Variants in PPFIA2 observed in about 807,000 individuals in gnomAD.
PPFIA2 encodes the protein liprin-alpha-2.
Under a neutral mutation model 175.5 loss-of-function variants are expected in PPFIA2, and 46 were observed. The observed-to-expected ratio is 0.26, with a 90% CI of 0.21 to 0.34. The LOEUF is 0.34. PPFIA2 is among the 10% of genes least tolerant of loss of function. PPFIA2 has a pLI of 1.00. For synonymous variants in PPFIA2, 568 were observed against 511.4 expected (o/e 1.11, Z -1.49); for missense variants, 1,179 against 1,506.1 (o/e 0.78, Z 3.60).
chr12:81,312,025 T>C, intron 22 of PPFIA2: 1 of 764,032 alleles, frequency 1.3e-6, no homozygotes, highest in Non-Finnish European at 2.1e-6. Flanking sequence ...GAAATAAATA[T>C]GCTTCATGAT....
chr12:81,308,831 G>A (rs2050001864), intron 22 of PPFIA2, among the ~76,000 whole-genome samples: 1 of 152,102 alleles, frequency 6.6e-6, no homozygotes, highest in African/African-American at 2.4e-5. Flanking sequence ...AAATGAATGA[G>A]ATAGAAAAGT....
In PPFIA2 at chr12:81,550,822, G is replaced by C. The variant is rs372060682; in HGVS notation, c.304-92956C>G. On this transcript the variant is annotated intron_variant, in intron 4 of 32. Transcript: ENST00000549396. ...CCAGTGGACTAACGACTGAACTCTG[G>C]GGGGAAAATCTATATTTAATGGCTA... 3.4e-4 allele frequency among the ~76,000 whole-genome samples: 52 copies of C among 151,840 alleles called. No homozygotes were observed. The East Asian group carries it at 7.0e-3, about 20-fold the overall frequency.
intron 4 of PPFIA2, among the ~76,000 whole-genome samples, chr12:81,514,917 TG>T (rs1419405875): frequency 6.6e-6 from 1 of 151,974 alleles, no homozygotes; most frequent in African/African-American, 2.4e-5. Context: ...GAAGAATCTC[TG>T]GTGGATTCTT....
intron 22 of PPFIA2, among the ~76,000 whole-genome samples, chr12:81,308,835 G>A (rs1719740168): frequency 6.6e-6 from 1 of 152,146 alleles, no homozygotes; most frequent in Non-Finnish European, 1.5e-5. Context: ...GAATGAGATA[G>A]AAAAGTTGAA....
chr12:81,368,842 C>T lies in PPFIA2; in HGVS notation c.1365G>A (p.Glu455=). The change falls in exon 13 of 33, where the codon GAG becomes GAA. Residue 455 remains glutamate (E), a synonymous_variant. Transcript: ENST00000549396. ...NQELQRARQR[E]KMNEEHNKRL... is the part of the protein sequence containing the mutation. ...TCTTGTTATGCTCCTCATTCATTTT[C>T]TCTCTTTGCCTAGCCTTACATTTTA... 1 of 1,609,534 alleles carries T rather than the reference C, an allele frequency of 6.2e-7. No individual in the cohort carries two copies. The highest frequency in any genetic ancestry group is 8.5e-7 in the Non-Finnish European group (1 of 1,177,646).
chr12:81,515,882 T>C (rs1448432589), intron 4 of PPFIA2, among the ~76,000 whole-genome samples: 1 of 152,070 alleles, frequency 6.6e-6, no homozygotes, highest in African/African-American at 2.4e-5. Context: ...TTCTCACATT[T>C]GATCATCTCT....
chr12:81,554,021 AC>A (rs992498056), intron 4 of PPFIA2, among the ~76,000 whole-genome samples: 16 of 152,108 alleles, frequency 1.1e-4, no homozygotes, highest in Non-Finnish European at 1.9e-4. Context: ...ATTTAATACA[AC>A]TTTTTTTTGC....
chr12:81,485,317 CATT>C (rs1310374642), intron 4 of PPFIA2, among the ~76,000 whole-genome samples: 1 of 151,602 alleles, frequency 6.6e-6, no homozygotes, highest in Non-Finnish European at 1.5e-5. Context: ...TTTTCATCAT[CATT>C]TAGTCTTTTT....
At chr12:81,688,372 T>G (rs962030746) in intron 3 of PPFIA2, among the ~76,000 whole-genome samples, 3 of 151,918 alleles carry the variant, frequency 2.0e-5, no homozygotes, top group African/African-American at 7.2e-5. Flanking sequence ...AATATTATAA[T>G]CCTAGATACA....
intron 14 of PPFIA2, among the ~76,000 whole-genome samples, chr12:81,364,030 T>C (rs1355582956): frequency 6.6e-6 from 1 of 151,856 alleles, no homozygotes; most frequent in Admixed American, 6.6e-5. Flanking sequence ...AAATATAGCA[T>C]GTTGTTAGAA....
At chr12:81,521,847 T>C (rs1273904453) in intron 4 of PPFIA2, among the ~76,000 whole-genome samples, 2 of 151,826 alleles carry the variant, frequency 1.3e-5, no homozygotes, top group Admixed American at 6.6e-5. Flanking sequence ...TTATTGCACA[T>C]TTTTTGTAAA....
chr12:81,296,216 G>A (rs2046404758), intron 23 of PPFIA2, among the ~76,000 whole-genome samples: 1 of 152,142 alleles, frequency 6.6e-6, no homozygotes, highest in African/African-American at 2.4e-5. Context: ...CTACGGGGGA[G>A]GCTGAGGCAC....
At chr12:81,493,109 A>G (rs1383180184) in intron 4 of PPFIA2, among the ~76,000 whole-genome samples, 2 of 152,042 alleles carry the variant, frequency 1.3e-5, no homozygotes, top group African/African-American at 4.8e-5. Flanking sequence ...AAGGTTTGGA[A>G]TGGGAAAGGG....
chr12:81,525,323 T>C (rs2063611921), intron 4 of PPFIA2, among the ~76,000 whole-genome samples: 2 of 152,186 alleles, frequency 1.3e-5, no homozygotes, highest in South Asian at 4.1e-4. Context: ...TTTGCACATG[T>C]AATGAAGGTC....
At chr12:81,611,942 C>A (rs565837325) in intron 4 of PPFIA2, among the ~76,000 whole-genome samples, 1 of 152,260 alleles carries the variant, frequency 6.6e-6, no homozygotes, top group South Asian at 2.1e-4. Flanking sequence ...CTCACTCACC[C>A]CTCTCCCACG....
At chr12:81,580,303 T>C (rs1053139946) in intron 4 of PPFIA2, among the ~76,000 whole-genome samples, 2 of 151,698 alleles carry the variant, frequency 1.3e-5, no homozygotes, top group African/African-American at 4.8e-5. Flanking sequence ...AAAGTGAAGT[T>C]AGAAAGATTA....
At chr12:81,727,842 G>A (rs568486455) in intron 3 of PPFIA2, among the ~76,000 whole-genome samples, 1 of 151,408 alleles carries the variant, frequency 6.6e-6, no homozygotes, top group Middle Eastern at 3.4e-3. Context: ...TGAATCTCCA[G>A]TTTTGACACT....
chr12:81,432,630 TGATTTTTGTATA>T (rs1214301596), intron 7 of PPFIA2, among the ~76,000 whole-genome samples: 1 of 152,002 alleles, frequency 6.6e-6, no homozygotes, highest in Non-Finnish European at 1.5e-5. Flanking sequence ...CATGCCCAGA[TGATTTTTGTATA>T]GAGACTGGGT....
chr12:81,456,874 A>T (rs2053652639), intron 5 of PPFIA2, among the ~76,000 whole-genome samples: 1 of 152,188 alleles, frequency 6.6e-6, no homozygotes, highest in Non-Finnish European at 1.5e-5. Flanking sequence ...GAGTTTCATG[A>T]AATCAGAATA....
Sources: allele counts gnomAD v4.1 joint callset (sites outside exome capture counted in the v4.1 genomes callset), GRCh38; gene constraint gnomAD v4.1.1; transcripts MANE v1.5; gene names NCBI Gene and HGNC (gene_info 2026-07-23, HGNC 2026-07-21).